The following CRTC1 variants were observed in gnomAD, a reference collection of about 807,000 sequenced individuals.
The protein encoded by CRTC1 is CREB regulated transcription coactivator 1.
In CRTC1, 18 loss-of-function variants were observed where a neutral mutation model predicts 66.1. The ratio of observed to expected loss-of-function variants is 0.27; its 90% CI spans 0.19 to 0.40. The LOEUF (loss-of-function observed/expected upper bound fraction) is 0.40, where lower values mean the gene tolerates loss of function less well. CRTC1 is among the 10% of genes least tolerant of loss of function. The pLI, the probability that CRTC1 is intolerant of heterozygous loss-of-function variation, is 1.00. For synonymous variants in CRTC1, 416 were observed against 398.8 expected, an observed-to-expected ratio of 1.04 and a Z score of -0.51; for missense variants, 669 against 887.9, an observed-to-expected ratio of 0.75 and a Z score of 3.13.
In CRTC1 at chr19:18,760,323, A is replaced by C; in HGVS notation, c.886+95A>C. 32 of 1,034,730 alleles carry C rather than the reference A, an allele frequency of 3.1e-5. No homozygotes were observed. Among genetic ancestry groups the C allele is most frequent in the Middle Eastern group, 2.8e-4 (1 of 3,548 alleles). 64.1% of individuals were successfully genotyped at this position (1,034,730 alleles called of 1,614,324 possible). A position where few individuals can be genotyped will look rare whatever the true frequency, so the allele number is the denominator to read the frequency against. ...GACTTGGCAGAGTCCCGTTCCAAAT[A>C]CTAGGGCATGGGGGACAGGGCTGGG... On this transcript the variant is annotated intron_variant, in intron 8 of 13. Transcript: ENST00000321949. This position sits in a 1 kb window ranked among gnomAD's most constrained non-coding sequence, Gnocchi z 6.2.
intron 1 of CRTC1, among the ~76,000 whole-genome samples, chr19:18,687,370 G>C (rs1265526596): frequency 6.6e-6 from 1 of 152,168 alleles, no homozygotes; most frequent in Non-Finnish European, 1.5e-5. Context: ...AGGTGGGCCA[G>C]GGTGTGAGCT....
chr19:18,729,776 G>A (rs1333665770), intron 1 of CRTC1, among the ~76,000 whole-genome samples: 1 of 152,106 alleles, frequency 6.6e-6, no homozygotes, highest in Non-Finnish European at 1.5e-5. Flanking sequence ...AGTTGGTTCA[G>A]TTTCATTTGC....
chr19:18,715,242 A>G (rs4808152), intron 1 of CRTC1, among the ~76,000 whole-genome samples: 90,126 of 151,638 alleles, frequency 0.59, 28,381 homozygotes, highest in East Asian at 0.9. Context: ...CTTTTTTTTC[A>G]TTTGAGACAG....
intron 1 of CRTC1, among the ~76,000 whole-genome samples, chr19:18,729,746 G>GAATAAT (rs576881054): frequency 1.3e-5 from 2 of 151,720 alleles, no homozygotes; most frequent in African/African-American, 4.8e-5. Context: ...ATCTTTAAAA[G>GAATAAT]AATAATAATA....
At chr19:18,754,583 A>T (rs1467616711) in intron 6 of CRTC1, among the ~76,000 whole-genome samples, 1 of 152,248 alleles carries the variant, frequency 6.6e-6, no homozygotes, top group Non-Finnish European at 1.5e-5. Context: ...TTGAGGAATG[A>T]ATAAGGAACA....
chr19:18,686,450 C>G (rs1447464163), intron 1 of CRTC1, among the ~76,000 whole-genome samples: 2 of 152,156 alleles, frequency 1.3e-5, no homozygotes, highest in South Asian at 2.1e-4. Context: ...GAGTTCGAGA[C>G]CAGCCTGGCC....
At chr19:18,743,442 G>A (rs1178845590) in intron 2 of CRTC1, among the ~76,000 whole-genome samples, 3 of 152,234 alleles carry the variant, frequency 2.0e-5, no homozygotes, top group Non-Finnish European at 4.4e-5. Flanking sequence ...CACACAGCGC[G>A]GCTCCCGCAG....
intron 9 of CRTC1, among the ~76,000 whole-genome samples, chr19:18,765,990 C>A (rs2054726116): frequency 6.6e-6 from 1 of 151,948 alleles, no homozygotes; most frequent in South Asian, 2.1e-4. Flanking sequence ...AAGAGGTTAG[C>A]TTTTGATTTT....
chr19:18,753,116 T>A (rs918242821), intron 5 of CRTC1, among the ~76,000 whole-genome samples: 148 of 147,756 alleles, frequency 1.0e-3, no homozygotes, highest in African/African-American at 3.3e-3. Context: ...ATAAAAAAAA[T>A]AAAAAAAAAA....
chr19:18,741,845 G>T lies in CRTC1; in HGVS notation c.127-1065G>T, dbSNP rs1319445710. 1.3e-5 allele frequency among the ~76,000 whole-genome samples: 2 copies of T among 152,198 alleles called. No individual in the cohort carries two copies. Among genetic ancestry groups the T allele is most frequent in the Non-Finnish European group, 2.9e-5 (2 of 68,014 alleles). ...AGCCGGGCAGGTGGCCAGTTCCCGGGCTTTACTTCCGCCTCCGGTGTCCAG... is the reference window on the plus strand; with the variant it reads ...AGCCGGGCAGGTGGCCAGTTCCCGGTCTTTACTTCCGCCTCCGGTGTCCAG... On this transcript the variant is annotated intron_variant, in intron 1 of 13. Transcript: ENST00000321949. The surrounding 1 kb of genome is among the most constrained non-coding windows in gnomAD (Gnocchi z 4.2).
intron 1 of CRTC1, among the ~76,000 whole-genome samples, chr19:18,700,674 T>C (rs1024740534): frequency 1.4e-4 from 21 of 152,160 alleles, no homozygotes; most frequent in Admixed American, 1.4e-3. Context: ...CGGAAATCTC[T>C]GGGAGGAAGT....
intron 1 of CRTC1, among the ~76,000 whole-genome samples, chr19:18,684,370 G>A (rs918278754): frequency 2.0e-5 from 3 of 152,060 alleles, no homozygotes; most frequent in Admixed American, 2.0e-4. Flanking sequence ...TCCCATTCTT[G>A]CTACCTGAGG....
chr19:18,710,516 G>C (rs763664107), intron 1 of CRTC1, among the ~76,000 whole-genome samples: 1 of 152,238 alleles, frequency 6.6e-6, no homozygotes, highest in Non-Finnish European at 1.5e-5. Context: ...GCTGTGTTGA[G>C]CTGTTCCCTC....
intron 2 of CRTC1, 90 bp from the exon 3 acceptor site, chr19:18,745,733 G>T: frequency 6.5e-7 from 1 of 1,546,008 alleles, no homozygotes; most frequent in Non-Finnish European, 8.9e-7. Flanking sequence ...GGGGGGCCCT[G>T]CGATCAGACT....
At position 18,780,379 on chromosome 19, in the gene CRTC1, C is replaced by G. The variant is rs1473203475; in HGVS notation, c.*2997C>G. On this transcript the variant is annotated 3_prime_UTR_variant, in exon 14 of 14. Transcript: ENST00000321949. ...TCACTACCCAGGGTGGCAAGTCTTG[C>G]AGGCAGAGGGTGTAGCCCAAGTTCA... The G allele has an allele frequency of 4.3e-6, 1 of 232,058 alleles. No individual in the cohort carries two copies. The highest frequency in any genetic ancestry group is 1.8e-4 in the South Asian group (1 of 5,528). 14.4% of individuals were successfully genotyped at this position (232,058 alleles called of 1,614,324 possible).
Position 18,778,372 on chromosome 19 carries a change from A to G in CRTC1, c.*990A>G, listed in dbSNP as rs2055041126. 4.3e-6 allele frequency: 1 copy of G among 232,550 alleles called. No homozygotes were observed. The highest frequency in any genetic ancestry group is 2.2e-5 in the African/African-American group (1 of 45,302). 14.4% of individuals were successfully genotyped at this position (232,550 alleles called of 1,614,324 possible). ...TTTAAGCCAACACTTGCCTGAGAGC[A>G]TGTTTTTATTTCAGAAATCCAACTT... On this transcript the variant is annotated 3_prime_UTR_variant, in exon 14 of 14. Transcript: ENST00000321949.
At chr19:18,698,104 C>G (rs1039237237) in intron 1 of CRTC1, among the ~76,000 whole-genome samples, 12 of 151,822 alleles carry the variant, frequency 7.9e-5, no homozygotes, top group African/African-American at 2.9e-4. Flanking sequence ...GGTAGGTGCT[C>G]TGCAGGTGCA....
intron 1 of CRTC1, among the ~76,000 whole-genome samples, chr19:18,687,446 G>A (rs1345882793): frequency 1.3e-5 from 2 of 152,176 alleles, no homozygotes; most frequent in Non-Finnish European, 2.9e-5. Context: ...TCTCTGGCAG[G>A]CTGCGACCAG....
At chr19:18,713,604 T>C (rs948249315) in intron 1 of CRTC1, among the ~76,000 whole-genome samples, 1 of 61,438 alleles carries the variant, frequency 1.6e-5, no homozygotes, top group African/African-American at 9.0e-5. Context: ...GGGCCTGTTG[T>C]TGGGGTCTGT....
Sources: gnomAD v4.1 joint callset for allele counts (sites outside exome capture counted in the v4.1 genomes callset) on GRCh38, gnomAD v4.1.1 for gene constraint, Gnocchi (gnomAD v3.1) non-coding constraint, MANE v1.5 for transcripts, NCBI Gene and HGNC (gene_info 2026-07-23, HGNC 2026-07-21) for gene names.